The following BTC variants were observed in gnomAD, a reference collection of about 807,000 sequenced individuals.
BTC encodes betacellulin, also known as probetacellulin.
A neutral mutation model predicts 18.1 loss-of-function variants in BTC; 13 were observed. The ratio of observed to expected loss-of-function variants is 0.72; its 90% CI spans 0.47 to 1.14. BTC has a LOEUF of 1.14. Ranked by LOEUF, BTC falls within the 50% of genes most tolerant of loss-of-function variation. The probability of loss-of-function intolerance (pLI) is 0.00; values close to 1 mark genes in which losing one functional copy is unlikely to be tolerated. For synonymous variants in BTC, 83 were observed against 79.4 expected (o/e 1.05, Z -0.24); for missense variants, 247 against 224.2 (o/e 1.10, Z -0.65).
intron 1 of BTC, among the ~76,000 whole-genome samples, chr4:74,780,300 CCACT>C (rs1486216220): frequency 6.6e-6 from 1 of 152,128 alleles, no homozygotes; most frequent in East Asian, 1.9e-4. Context: ...GTATAGAAAA[CCACT>C]CACTAAGTAT....
chr4:74,786,745 C>T (rs1725487459), intron 1 of BTC, among the ~76,000 whole-genome samples: 1 of 152,272 alleles, frequency 6.6e-6, no homozygotes, highest in East Asian at 1.9e-4. Context: ...TAAAAGTTTA[C>T]ATTTCGACCA....
chr4:74,779,217 AG>A (rs1449271698), intron 1 of BTC, among the ~76,000 whole-genome samples: 1 of 152,200 alleles, frequency 6.6e-6, no homozygotes, highest in African/African-American at 2.4e-5. Flanking sequence ...AACTCATAAA[AG>A]TACTTCACAA....
chr4:74,747,854 A>T (rs535616873), intron 5 of BTC, among the ~76,000 whole-genome samples, 186 bp downstream of exon 5: 1 of 152,318 alleles, frequency 6.6e-6, no homozygotes, highest in African/African-American at 2.4e-5. Flanking sequence ...GGTAACATGC[A>T]GAAAAAAGAT....
At chr4:74,755,794 T>C (rs1430283624) in intron 3 of BTC, 65 bp downstream of exon 3, 1 of 1,462,428 alleles carries the variant, frequency 6.8e-7, no homozygotes, top group Non-Finnish European at 9.6e-7. Flanking sequence ...TTTCCAGTCC[T>C]GGCAAGACCC....
At position 74,770,111 on chromosome 4, in the gene BTC, C is replaced by G. The variant is rs763042611; in HGVS notation, c.110G>C (p.Arg37Thr). The G allele has an allele frequency of 1.1e-5, 18 of 1,613,368 alleles. No individual in the cohort carries two copies. The South Asian group carries it at 2.0e-4, about 18-fold the overall frequency. ...HCVVADGNST[R>T]SPETNGLLCG... ...GAGGAGGCCATTAGTTTCAGGACTT[C>G]TGGTGGAATTCCCATCTGCCACCAC... is the stretch of plus-strand genomic sequence containing the variant. Residue 37 changes from arginine (R) to threonine (T), a missense_variant, in exon 2 of 6, where the codon AGA (arginine) becomes ACA (threonine). Physicochemically the swap from Arg to Thr is moderately conservative, Grantham distance 71. Transcript: ENST00000395743.
chr4:74,765,163 C>T (rs1370575753), intron 2 of BTC, among the ~76,000 whole-genome samples: 4 of 124,526 alleles, frequency 3.2e-5, no homozygotes, highest in African/African-American at 1.5e-4. Flanking sequence ...AAAAAAAAAA[C>T]ACTAATGAAA....
intron 4 of BTC, among the ~76,000 whole-genome samples, chr4:74,749,045 A>C (rs534508759): frequency 1.3e-5 from 2 of 152,222 alleles, no homozygotes; most frequent in Non-Finnish European, 2.9e-5. Flanking sequence ...ATTTGGTTTA[A>C]CACTCTTGTT....
Position 74,762,090 on chromosome 4 carries a change from A to T in BTC, c.164-6114T>A, listed in dbSNP as rs367959086. On this transcript the variant is annotated intron_variant, in intron 2 of 5. Coordinates refer to ENST00000395743, the MANE Select transcript of BTC (RefSeq NM_001729.4). ...AATGCATCACCCAAGTTAGAAAATG[A>T]TACAGTCAGTACATAAGATCTGTTC... is the stretch of plus-strand genomic sequence containing the variant. Among the ~76,000 whole-genome samples the T allele has an allele frequency of 2.0e-5, 3 of 152,336 alleles. No homozygotes were observed. In the East Asian group the frequency reaches 5.8e-4, roughly 29 times the overall value.
intron 2 of BTC, among the ~76,000 whole-genome samples, chr4:74,758,936 C>T (rs1553957020): frequency 6.6e-6 from 1 of 152,096 alleles, no homozygotes; most frequent in Non-Finnish European, 1.5e-5. Flanking sequence ...TACTGCCACA[C>T]ATGCACATAA....
rs145359286 is a variant in BTC, at chr4:74,788,278, C to CA, written c.64+5983dup. Reference sequence around the variant, plus strand: ...GAGATATTTGAGTCTTAGTGCTACACAAAAAAAATGGTAGCTATTAATTTG... The same window carrying CA: ...GAGATATTTGAGTCTTAGTGCTACACAAAAAAAAATGGTAGCTATTAATTTG... On this transcript the variant is annotated intron_variant, in intron 1 of 5. Coordinates refer to ENST00000395743, the MANE Select transcript of BTC (RefSeq NM_001729.4). Among the ~76,000 whole-genome samples, 865 of 151,890 alleles carry CA rather than the reference C, an allele frequency of 5.7e-3. 25 individuals are homozygous for CA. The East Asian group carries it at 0.071, about 12-fold the overall frequency.
intron 3 of BTC, among the ~76,000 whole-genome samples, chr4:74,753,728 A>G (rs2109881756): frequency 6.6e-6 from 1 of 152,252 alleles, no homozygotes; most frequent in African/African-American, 2.4e-5. Flanking sequence ...TCTACCACTC[A>G]TCTCATAGCT....
intron 4 of BTC, among the ~76,000 whole-genome samples, chr4:74,749,466 G>A (rs1724388630): frequency 6.9e-6 from 1 of 145,096 alleles, no homozygotes. Context: ...CTGGGCAACA[G>A]AGCAAGACTC....
chr4:74,772,727 G>A (rs928757627), intron 1 of BTC, among the ~76,000 whole-genome samples: 9 of 151,482 alleles, frequency 5.9e-5, no homozygotes, highest in Non-Finnish European at 1.0e-4. Flanking sequence ...TCTCCTTCTC[G>A]AGGTTATTGT....
At chr4:74,764,610 A>G (rs564898592) in intron 2 of BTC, among the ~76,000 whole-genome samples, 1 of 152,318 alleles carries the variant, frequency 6.6e-6, no homozygotes, top group South Asian at 2.1e-4. Context: ...GCATAAAGAA[A>G]ATGTGGTTTA....
chr4:74,749,687 TGTTGTTGTTGTTG>T (rs1385143262), intron 4 of BTC, among the ~76,000 whole-genome samples: 2 of 118,216 alleles, frequency 1.7e-5, no homozygotes, highest in Non-Finnish European at 3.5e-5. Flanking sequence ...TAGTTTTTTT[TGTTGTTGTTGTTG>T]TTGTTGTTGT....
chr4:74,766,308 G>C (rs1476347468), intron 2 of BTC, among the ~76,000 whole-genome samples: 1 of 151,822 alleles, frequency 6.6e-6, no homozygotes, highest in Admixed American at 6.6e-5. Flanking sequence ...TTAACTTACT[G>C]TAACTTTTTT....
chr4:74,787,152 C>T (rs1173755833), intron 1 of BTC, among the ~76,000 whole-genome samples: 1 of 152,004 alleles, frequency 6.6e-6, no homozygotes, highest in Non-Finnish European at 1.5e-5. Flanking sequence ...CACAGTCTTG[C>T]GAAGACGAAA....
Position 74,755,844 on chromosome 4 carries a change from G to C in BTC, c.281+15C>G. On this transcript the variant is annotated intron_variant, in intron 3 of 5. Coordinates refer to ENST00000395743, the MANE Select transcript of BTC (RefSeq NM_001729.4). ...CTGCACCCTTTTGCTTGCTGGCTGA[G>C]GACACTCCACTTACACACAGGAGGG... 5.6e-6 allele frequency: 9 copies of C among 1,611,910 alleles called. No homozygotes were observed. Among genetic ancestry groups the C allele is most frequent in the Non-Finnish European group, 7.6e-6 (9 of 1,178,206 alleles).
intron 1 of BTC, among the ~76,000 whole-genome samples, chr4:74,788,111 C>G (rs974992899): frequency 2.6e-5 from 4 of 152,190 alleles, no homozygotes; most frequent in African/African-American, 9.7e-5. Flanking sequence ...TACAAAACCC[C>G]CTGCCTCCAA....
Sources: allele counts gnomAD v4.1 joint callset (sites outside exome capture counted in the v4.1 genomes callset), GRCh38; gene constraint gnomAD v4.1.1; transcripts MANE v1.5; gene names NCBI Gene and HGNC (gene_info 2026-07-23, HGNC 2026-07-21).